The following RB1 variants were observed in gnomAD, a reference collection of about 807,000 sequenced individuals.
RB1 encodes retinoblastoma-associated protein.
A neutral mutation model predicts 135.4 loss-of-function variants in RB1; 18 were observed. The ratio of observed to expected loss-of-function variants is 0.13; its 90% CI spans 0.09 to 0.20. The LOEUF (loss-of-function observed/expected upper bound fraction) is 0.20. Among genes scored for constraint, RB1 ranks in the 10% least tolerant of loss-of-function variants. The pLI is 1.00. For missense variants in RB1, 868 were observed against 1,110.0 expected (o/e 0.78, Z 3.10); for synonymous variants, 365 against 373.2 (o/e 0.98, Z 0.25).
At chr13:48,451,101 C>G (rs1193414973) in intron 17 of RB1, among the ~76,000 whole-genome samples, 1 of 151,190 alleles carries the variant, frequency 6.6e-6, no homozygotes, top group Non-Finnish European at 1.5e-5. Flanking sequence ...TTGACCTCCT[C>G]TCTTCCTATA....
intron 17 of RB1, among the ~76,000 whole-genome samples, chr13:48,433,769 A>G (rs2138285688): frequency 6.6e-6 from 1 of 152,214 alleles, no homozygotes; most frequent in East Asian, 1.9e-4. Flanking sequence ...CTAGACAAAT[A>G]AGGACTTTGG....
chr13:48,338,718 G>A (rs963098047), intron 2 of RB1, among the ~76,000 whole-genome samples: 2 of 152,210 alleles, frequency 1.3e-5, no homozygotes, highest in African/African-American at 2.4e-5. Context: ...TCCGTTGCTA[G>A]CGAGGAGCTG....
intron 12 of RB1, among the ~76,000 whole-genome samples, chr13:48,374,454 C>A (rs559040096): frequency 6.6e-6 from 1 of 152,292 alleles, no homozygotes; most frequent in South Asian, 2.1e-4. Flanking sequence ...ATTGCCATAA[C>A]CTGCCTGTGA....
chr13:48,416,808 C>T (rs1948918873), intron 17 of RB1, among the ~76,000 whole-genome samples: 1 of 152,180 alleles, frequency 6.6e-6, no homozygotes, highest in Admixed American at 6.5e-5. Flanking sequence ...ACAGTGTAAG[C>T]AAAGCCACCG....
At chr13:48,478,057 A>G (rs1358967872) in intron 26 of RB1, among the ~76,000 whole-genome samples, 1 of 152,196 alleles carries the variant, frequency 6.6e-6, no homozygotes, top group Non-Finnish European at 1.5e-5. Context: ...GGGTTGTCTT[A>G]GGTAGTTATG....
chr13:48,316,796 C>T, intron 2 of RB1: 1 of 225,236 alleles, frequency 4.4e-6, no homozygotes, highest in Non-Finnish European at 9.1e-6. Context: ...GATACACGCA[C>T]AGATACGCTC....
At chr13:48,404,515 G>A (rs536909615) in intron 17 of RB1, among the ~76,000 whole-genome samples, 1 of 152,008 alleles carries the variant, frequency 6.6e-6, no homozygotes, top group Admixed American at 6.6e-5. Flanking sequence ...CAAGCATGAT[G>A]AATGAATGTG....
chr13:48,462,888 G>A (rs1949414742), intron 20 of RB1, among the ~76,000 whole-genome samples: 1 of 152,044 alleles, frequency 6.6e-6, no homozygotes, highest in African/African-American at 2.4e-5. Context: ...TCAGTTGACT[G>A]TAAATATATA....
At chr13:48,384,432 T>A (rs1948558451) in intron 17 of RB1, among the ~76,000 whole-genome samples, 1 of 152,094 alleles carries the variant, frequency 6.6e-6, no homozygotes, top group Non-Finnish European at 1.5e-5. Context: ...TACATTTGCG[T>A]TTTCACAGAC....
At chr13:48,442,628 T>G (rs186585046) in intron 17 of RB1, among the ~76,000 whole-genome samples, 83 of 152,264 alleles carry the variant, frequency 5.5e-4, no homozygotes, top group African/African-American at 1.8e-3. Context: ...TAATGATGGG[T>G]GAGGACTTTG....
chr13:48,416,008 T>G (rs1948902190), intron 17 of RB1, among the ~76,000 whole-genome samples: 1 of 152,212 alleles, frequency 6.6e-6, no homozygotes, highest in African/African-American at 2.4e-5. Flanking sequence ...ACTTTTGTAT[T>G]TGATAAACTC....
At chr13:48,475,048 AT>A (rs886885971) in intron 24 of RB1, among the ~76,000 whole-genome samples, 61 of 152,078 alleles carry the variant, frequency 4.0e-4, no homozygotes, top group African/African-American at 1.4e-3. Context: ...TAATTTTTAA[AT>A]TTTTTGTAGA....
chr13:48,355,427 G>A (rs1038891334), intron 6 of RB1, among the ~76,000 whole-genome samples: 2 of 152,194 alleles, frequency 1.3e-5, no homozygotes, highest in African/African-American at 4.8e-5. Context: ...AACAAATGCT[G>A]GCTAGGATGT....
chr13:48,380,552 T>A (rs1948526493), intron 16 of RB1, among the ~76,000 whole-genome samples: 1 of 152,166 alleles, frequency 6.6e-6, no homozygotes, highest in Non-Finnish European at 1.5e-5. Flanking sequence ...CAAAGGAGTA[T>A]TCAAGAGTGG....
At chr13:48,331,924 A>C (rs1952340367) in intron 2 of RB1, among the ~76,000 whole-genome samples, 1 of 152,256 alleles carries the variant, frequency 6.6e-6, no homozygotes, top group African/African-American at 2.4e-5. Context: ...TGATAAACCC[A>C]TTGTAAGTCA....
At chr13:48,437,620 G>C (rs1271772103) in intron 17 of RB1, among the ~76,000 whole-genome samples, 1 of 152,154 alleles carries the variant, frequency 6.6e-6, no homozygotes, top group Non-Finnish European at 1.5e-5. Flanking sequence ...GTTCTTTGCT[G>C]GCTGATGGCC....
rs758875706 is a variant in RB1 at position 48,411,950 on chromosome 13, G to C, written c.1695+30507G>C. ...CTTCTGAGGCATTGTTACCCTGAGA[G>C]TGGGTAGACTGAACAAAAACGGCGG... On this transcript the variant is annotated intron_variant, in intron 17 of 26. Transcript: ENST00000267163. 3 of 1,612,452 alleles carry C rather than the reference G, an allele frequency of 1.9e-6. No individual in the cohort carries two copies. In the African/African-American group the frequency reaches 4.0e-5, roughly 22 times the overall value.
chr13:48,312,900 T>C (rs1362006765), intron 2 of RB1, among the ~76,000 whole-genome samples: 1 of 152,202 alleles, frequency 6.6e-6, no homozygotes, highest in Non-Finnish European at 1.5e-5. Context: ...CCCCTTTTGC[T>C]TTAAAATTTA....
At chr13:48,453,164 C>T (rs1055516140) in intron 18 of RB1, 53 bp downstream of exon 18, 11 of 1,496,526 alleles carry the variant, frequency 7.4e-6, no homozygotes, top group Non-Finnish European at 9.2e-6. Context: ...AGATTTTAAG[C>T]ATAAGTGCAA....
Sources: allele counts gnomAD v4.1 joint callset (sites outside exome capture counted in the v4.1 genomes callset), GRCh38; gene constraint gnomAD v4.1.1; transcripts MANE v1.5; gene names NCBI Gene and HGNC (gene_info 2026-07-23, HGNC 2026-07-21).